Variants in PPIL3 observed in about 807,000 individuals in gnomAD.
PPIL3 encodes peptidyl-prolyl cis-trans isomerase-like 3.
Under a neutral mutation model 20.9 loss-of-function variants are expected in PPIL3, and 13 were observed. That is an observed-to-expected ratio of 0.62 (90% confidence interval 0.40 to 0.99). The LOEUF (loss-of-function observed/expected upper bound fraction) is 0.99. Among genes scored for constraint, PPIL3 ranks in the 50% least tolerant of loss-of-function variants. The probability of loss-of-function intolerance (pLI) is 0.00; values close to 1 mark genes in which losing one functional copy is unlikely to be tolerated. For missense variants in PPIL3, 170 were observed against 195.2 expected (o/e 0.87, Z 0.77); for synonymous variants, 71 against 64.4 (o/e 1.10, Z -0.49).
At chr2:200,874,136 G>A (rs908059478) in intron 6 of PPIL3, among the ~76,000 whole-genome samples, 2 of 150,282 alleles carry the variant, frequency 1.3e-5, no homozygotes, top group Non-Finnish European at 3.0e-5. Context: ...ACCCAGGAGG[G>A]TGAGCTTGCA....
chr2:200,883,639 T>G (rs1472665009), intron 3 of PPIL3, among the ~76,000 whole-genome samples: 1 of 152,240 alleles, frequency 6.6e-6, no homozygotes, highest in South Asian at 2.1e-4. Flanking sequence ...AAAATATAAT[T>G]ACTTAATTTT....
At chr2:200,877,064 C>G (rs916842696) in intron 5 of PPIL3, 27 bp from the exon 6 acceptor site, 2 of 1,428,804 alleles carry the variant, frequency 1.4e-6, no homozygotes, top group African/African-American at 2.8e-5. Flanking sequence ...AAAGTATTAA[C>G]TGTGTTTTTA....
chr2:200,883,220 C>G (rs1354768517), intron 3 of PPIL3, among the ~76,000 whole-genome samples: 1 of 148,434 alleles, frequency 6.7e-6, no homozygotes, highest in Non-Finnish European at 1.5e-5. Flanking sequence ...ACCCGAAGTG[C>G]TGGAATTACA....
chr2:200,877,109 A>G, intron 5 of PPIL3, 72 bp from the exon 6 acceptor site: 1 of 1,000,488 alleles, frequency 1.0e-6, no homozygotes, highest in African/African-American at 1.6e-5. Context: ...GAAACAAGAC[A>G]GGCACACCTT....
chr2:200,887,635 A>G lies in PPIL3; in HGVS notation c.-20T>C, dbSNP rs2039994708. ...TACCATTTTTCCTCTTAGTGGTTTC[A>G]GGAAGGACTACGTGATTTCTCAGTC... On this transcript the variant is annotated 5_prime_UTR_variant, in exon 2 of 7. Transcript: ENST00000392283. 1 of 1,598,584 alleles carries G rather than the reference A, an allele frequency of 6.3e-7. No homozygotes were observed. The highest frequency in any genetic ancestry group is 8.5e-7 in the Non-Finnish European group (1 of 1,171,240).
At chr2:200,886,009 A>G (rs1021083817) in intron 2 of PPIL3, among the ~76,000 whole-genome samples, 1 of 152,236 alleles carries the variant, frequency 6.6e-6, no homozygotes, top group African/African-American at 2.4e-5. Flanking sequence ...GTTAAGTAGT[A>G]TCCATGACAA....
At chr2:200,872,941 C>T (rs1177631878) in intron 6 of PPIL3, among the ~76,000 whole-genome samples, 3 of 149,378 alleles carry the variant, frequency 2.0e-5, no homozygotes, top group African/African-American at 5.0e-5. Flanking sequence ...GGTGTGATCT[C>T]GGCTCACTGC....
At chr2:200,889,208 A>C (rs998916489), upstream of PPIL3, 9 of 371,766 alleles carry the variant, frequency 2.4e-5, no homozygotes, top group Non-Finnish European at 4.8e-5. Flanking sequence ...CTCTACTAAT[A>C]ATTGCACTGG....
intron 6 of PPIL3, among the ~76,000 whole-genome samples, chr2:200,876,587 G>A (rs1022776470): frequency 6.7e-6 from 1 of 149,458 alleles, no homozygotes; most frequent in East Asian, 2.0e-4. Flanking sequence ...GCATGATCAC[G>A]GCTCACTGTA....
In PPIL3 at chr2:200,885,756, G is replaced by T; in HGVS notation, c.20C>A (p.Thr7Lys). ...TTCAATTTTAATATCACCTACATCT[G>T]TATGCAGTGTCACAGACTAAAAAGG... Reference protein sequence around the residue: MSVTLHTDVGDIKIEVF... With the variant: MSVTLHKDVGDIKIEVF... The change falls in exon 3 of 7, where the codon ACA (threonine) becomes AAA (lysine). Residue 7 changes from threonine to lysine, a missense_variant. Coordinates refer to ENST00000392283, the MANE Select transcript of PPIL3 (RefSeq NM_130906.3). 6.3e-7 allele frequency: 1 copy of T among 1,589,908 alleles called. No homozygotes were observed. Among genetic ancestry groups the T allele is most frequent in the Non-Finnish European group, 8.6e-7 (1 of 1,161,794 alleles).
Position 200,889,019 on chromosome 2 carries a change from C to A in PPIL3, c.-134G>T, listed in dbSNP as rs1559346309. On this transcript the variant is annotated 5_prime_UTR_variant, in exon 1 of 7. Coordinates refer to ENST00000392283, the MANE Select transcript of PPIL3 (RefSeq NM_130906.3). ...AACAGGAAAAATGCAATCGCAGATG[C>A]CAGCAGAGGTCTGTTGGTTCAAAAT... is the stretch of plus-strand genomic sequence containing the variant. 4.2e-6 allele frequency: 2 copies of A among 471,200 alleles called. No homozygotes were observed. Among genetic ancestry groups the A allele is most frequent in the Admixed American group, 2.3e-5 (1 of 42,586 alleles). 29.2% of individuals were successfully genotyped at this position (471,200 alleles called of 1,614,324 possible).
intron 1 of PPIL3, among the ~76,000 whole-genome samples, chr2:200,887,900 C>T (rs1575122047): frequency 6.6e-6 from 1 of 151,546 alleles, no homozygotes; most frequent in African/African-American, 2.4e-5. Context: ...CTACTAAAAA[C>T]ACAAAAATTA....
intron 6 of PPIL3, among the ~76,000 whole-genome samples, chr2:200,875,480 A>G (rs138313257): frequency 2.0e-5 from 3 of 152,060 alleles, no homozygotes; most frequent in African/African-American, 7.2e-5. Flanking sequence ...GTTGGCCTGG[A>G]TGGTCTTGAT....
chr2:200,885,482 C>A (rs1294257030), intron 3 of PPIL3: 1 of 503,964 alleles, frequency 2.0e-6, no homozygotes. Flanking sequence ...ATACTGGCTA[C>A]TCTATCGTTA....
At chr2:200,885,129 G>C (rs6754769) in intron 3 of PPIL3, 34,555 of 162,976 alleles carry the variant, frequency 0.21, 4,581 homozygotes, top group African/African-American at 0.37. Context: ...CCAGCACTTT[G>C]GGAGGCTGAG....
chr2:200,883,571 T>C (rs893431875), intron 3 of PPIL3, among the ~76,000 whole-genome samples: 1 of 151,770 alleles, frequency 6.6e-6, no homozygotes, highest in African/African-American at 2.4e-5. Flanking sequence ...CTGGGCAACA[T>C]AGTAAGACCT....
chr2:200,888,783 C>T (rs542865450), intron 1 of PPIL3, among the ~76,000 whole-genome samples, 173 bp downstream of exon 1: 168 of 152,292 alleles, frequency 1.1e-3, no homozygotes, highest in Non-Finnish European at 1.9e-3. Context: ...GCCTCGGCCT[C>T]CCGAAGTGCT....
chr2:200,888,643 A>T (rs1195034584), intron 1 of PPIL3: 1 of 225,478 alleles, frequency 4.4e-6, no homozygotes, highest in Non-Finnish European at 9.1e-6. Flanking sequence ...GTCGTGTCTC[A>T]GCCTCCCGAG....
chr2:200,884,144 G>C (rs1224147624), intron 3 of PPIL3, among the ~76,000 whole-genome samples: 2 of 67,024 alleles, frequency 3.0e-5, no homozygotes, highest in African/African-American at 2.2e-4. Flanking sequence ...GGGTGCAGTG[G>C]CTTTGGGCAG....
Sources: gnomAD v4.1 joint callset for allele counts (sites outside exome capture counted in the v4.1 genomes callset) on GRCh38, gnomAD v4.1.1 for gene constraint, MANE v1.5 for transcripts, NCBI Gene and HGNC (gene_info 2026-07-23, HGNC 2026-07-21) for gene names.